The following HSD17B12 variants were observed in gnomAD, a reference collection of about 807,000 sequenced individuals.
HSD17B12 encodes the protein very-long-chain 3-oxoacyl-CoA reductase.
HSD17B12 carries 32 observed loss-of-function variants against 39.3 expected under a neutral mutation model. The ratio of observed to expected loss-of-function variants is 0.81; its 90% CI spans 0.61 to 1.09. The LOEUF (loss-of-function observed/expected upper bound fraction) is 1.09. Ranked by LOEUF, HSD17B12 falls within the 50% of genes least tolerant of loss-of-function variation. HSD17B12 has a pLI of 0.00. For synonymous variants in HSD17B12, 150 were observed against 146.7 expected (o/e 1.02, Z -0.16); for missense variants, 342 against 382.9 (o/e 0.89, Z 0.89).
the HSD17B12 span, among the ~76,000 whole-genome samples, chr11:43,667,504 C>A: frequency 6.6e-6 from 1 of 152,190 alleles, no homozygotes; most frequent in Admixed American, 6.5e-5. Context: ...CCTTTTCCTT[C>A]TGCCATAATA....
intron 7 of HSD17B12, among the ~76,000 whole-genome samples, chr11:43,834,562 G>A (rs972472118): frequency 6.6e-6 from 1 of 152,098 alleles, no homozygotes. Flanking sequence ...GACCTATTAC[G>A]TCCTCTATGA....
chr11:43,855,492 A>T lies in HSD17B12; in HGVS notation c.*244A>T. On this transcript the variant is annotated 3_prime_UTR_variant, in exon 11 of 11. Coordinates refer to ENST00000278353, the MANE Select transcript of HSD17B12 (RefSeq NM_016142.3). ...CTCATATCAAATGAATATAGAACTA[A>T]TATTGTCGGGAACACCTAATAGAAA... The T allele has an allele frequency of 4.2e-6, 1 of 240,390 alleles. No homozygotes were observed. The highest frequency in any genetic ancestry group is 7.9e-6 in the Non-Finnish European group (1 of 126,248). The allele number at this position is 240,390 out of a possible 1,614,324, so 14.9% of individuals were successfully genotyped here. A position where few individuals can be genotyped will look rare whatever the true frequency, so the allele number is the denominator to read the frequency against.
At chr11:43,675,534 T>C in the HSD17B12 span, among the ~76,000 whole-genome samples, 1 of 152,080 alleles carries the variant, frequency 6.6e-6, no homozygotes, top group Non-Finnish European at 1.5e-5. Context: ...AAACTCAACT[T>C]GGAGGATTTT....
intron 1 of HSD17B12, among the ~76,000 whole-genome samples, chr11:43,699,506 A>C (rs1050108848): frequency 1.3e-5 from 2 of 152,252 alleles, no homozygotes; most frequent in Non-Finnish European, 2.9e-5. Context: ...TTTTTAAAAA[A>C]TACTAAGGAG....
At chr11:43,825,419 A>G (rs374238218) in intron 6 of HSD17B12, among the ~76,000 whole-genome samples, 46 of 152,260 alleles carry the variant, frequency 3.0e-4, no homozygotes, top group African/African-American at 1.1e-3. Context: ...ATGTGACACA[A>G]TGCCAGTAGG....
intron 3 of HSD17B12, among the ~76,000 whole-genome samples, chr11:43,764,390 C>T (rs1950578834): frequency 6.6e-6 from 1 of 152,016 alleles, no homozygotes; most frequent in Admixed American, 6.5e-5. Flanking sequence ...TTTTTTTCTT[C>T]TTAGATTTAA....
chr11:43,689,673 A>G (rs1393860996), intron 1 of HSD17B12, among the ~76,000 whole-genome samples: 1 of 151,990 alleles, frequency 6.6e-6, no homozygotes, highest in Non-Finnish European at 1.5e-5. Flanking sequence ...CAGCCCCCCA[A>G]GTAGCTGGGA....
chr11:43,612,615 A>G, the HSD17B12 span, among the ~76,000 whole-genome samples: 2 of 152,228 alleles, frequency 1.3e-5, no homozygotes, highest in African/African-American at 4.8e-5. Context: ...CATGTTGCCC[A>G]GGCTGGTCTC....
In HSD17B12 at chr11:43,680,836, C is replaced by T; in HGVS notation, c.9C>T (p.Ser3=). ...AGGCCTAGTGGAAAGCCATGGAGAG[C>T]GCTCTCCCCGCCGCCGGCTTCCTGT... ME[S]ALPAAGFLYW... is the part of the protein sequence containing the mutation. Residue 3 remains serine, a synonymous_variant, in exon 1 of 11, where the codon AGC becomes AGT. Coordinates refer to ENST00000278353, the MANE Select transcript of HSD17B12 (RefSeq NM_016142.3). The T allele has an allele frequency of 6.2e-7, 1 of 1,614,016 alleles. No homozygotes were observed. The highest frequency in any genetic ancestry group is 8.5e-7 in the Non-Finnish European group (1 of 1,179,938).
the HSD17B12 span, among the ~76,000 whole-genome samples, chr11:43,627,975 G>A: frequency 6.6e-6 from 1 of 151,746 alleles, no homozygotes; most frequent in African/African-American, 2.4e-5. Flanking sequence ...AATTGCTAGG[G>A]AAGTTGGACC....
At chr11:43,667,418 C>G in the HSD17B12 span, among the ~76,000 whole-genome samples, 4 of 152,182 alleles carry the variant, frequency 2.6e-5, no homozygotes, top group African/African-American at 9.6e-5. Context: ...TCCCAAAATG[C>G]TGGGATGAAC....
chr11:43,766,980 A>G (rs1416598336), intron 3 of HSD17B12, among the ~76,000 whole-genome samples: 31 of 152,226 alleles, frequency 2.0e-4, no homozygotes. Flanking sequence ...ATACCCACCA[A>G]TTAGTTGGCC....
At chr11:43,669,872 C>T in the HSD17B12 span, among the ~76,000 whole-genome samples, 1 of 152,132 alleles carries the variant, frequency 6.6e-6, no homozygotes, top group Non-Finnish European at 1.5e-5. Context: ...GGGGTTAGGA[C>T]TTTAACATAT....
At chr11:43,627,347 C>G in the HSD17B12 span, among the ~76,000 whole-genome samples, 1 of 151,386 alleles carries the variant, frequency 6.6e-6, no homozygotes, top group African/African-American at 2.4e-5. Context: ...TCTAGTGATA[C>G]CTTATTGAAT....
At chr11:43,693,468 C>G (rs1949881685) in intron 1 of HSD17B12, among the ~76,000 whole-genome samples, 1 of 152,140 alleles carries the variant, frequency 6.6e-6, no homozygotes, top group Non-Finnish European at 1.5e-5. Flanking sequence ...TTATGCCATG[C>G]TCTTGGTACA....
intron 3 of HSD17B12, among the ~76,000 whole-genome samples, chr11:43,779,777 G>T (rs963671089): frequency 1.2e-4 from 18 of 152,188 alleles, no homozygotes; most frequent in African/African-American, 4.3e-4. Flanking sequence ...ACTGCCAGCT[G>T]CCCTGAACAG....
chr11:43,654,925 T>C, the HSD17B12 span, among the ~76,000 whole-genome samples: 1 of 152,220 alleles, frequency 6.6e-6, no homozygotes, highest in South Asian at 2.1e-4. Context: ...AAAGTAGTTT[T>C]TTCCAATTCT....
chr11:43,810,399 AT>A, intron 4 of HSD17B12, among the ~76,000 whole-genome samples: 1 of 75,668 alleles, frequency 1.3e-5, no homozygotes, highest in African/African-American at 5.8e-5. Flanking sequence ...ATATATATAT[AT>A]ATAAAATTCA....
chr11:43,579,969 A>T, the HSD17B12 span, among the ~76,000 whole-genome samples: 3 of 150,944 alleles, frequency 2.0e-5, no homozygotes, highest in African/African-American at 7.3e-5. Flanking sequence ...GTTTGCAGTA[A>T]CCCATCCTGG....
Sources: allele counts gnomAD v4.1 joint callset (sites outside exome capture counted in the v4.1 genomes callset), GRCh38; gene constraint gnomAD v4.1.1; transcripts MANE v1.5; gene names NCBI Gene and HGNC (gene_info 2026-07-23, HGNC 2026-07-21).